The following ZKSCAN2 variants were observed in gnomAD, a reference collection of about 807,000 sequenced individuals.
ZKSCAN2 encodes zinc finger with KRAB and SCAN domains 2.
A neutral mutation model predicts 90.5 loss-of-function variants in ZKSCAN2; 38 were observed. The observed-to-expected ratio is 0.42, with a 90% CI of 0.32 to 0.55. The LOEUF (loss-of-function observed/expected upper bound fraction) is 0.55, where lower values mean the gene tolerates loss of function less well. ZKSCAN2 is among the 20% of genes least tolerant of loss of function. ZKSCAN2 has a pLI of 0.11. For missense variants in ZKSCAN2, 1,167 were observed against 1,202.6 expected (o/e 0.97, Z 0.44); for synonymous variants, 429 against 421.6 (o/e 1.02, Z -0.22).
chr16:25,257,052 C>T lies in ZKSCAN2; in HGVS notation c.76G>A (p.Asp26Asn). The T allele has an allele frequency of 1.2e-6, 2 of 1,614,076 alleles. No homozygotes were observed. Among genetic ancestry groups the T allele is most frequent in the African/African-American group, 1.3e-5 (1 of 75,018 alleles). ...ATGGGCTCTGATGCCCACTCAGGGT[C>T]CTTTTCCACCTTCATTATTAGGCAT... ...EGCLIMKVEK[D>N]PEWASEPILE... The change falls in exon 1 of 7, where the codon GAC becomes AAC. Residue 26 changes from aspartate (D) to asparagine (N), a missense_variant. Transcript: ENST00000328086.
chr16:25,241,389 T>TG (rs1962852033), intron 6 of ZKSCAN2, among the ~76,000 whole-genome samples: 1 of 152,002 alleles, frequency 6.6e-6, no homozygotes, highest in Non-Finnish European at 1.5e-5. Flanking sequence ...AGACAAGTTT[T>TG]GGAATTACAC....
At chr16:25,244,366 A>T (rs1446442414) in intron 5 of ZKSCAN2, 90 bp from the exon 6 acceptor site, 22 of 1,439,828 alleles carry the variant, frequency 1.5e-5, no homozygotes, top group Non-Finnish European at 2.1e-5. Flanking sequence ...AGAGGTAAAA[A>T]AAAATCCCAT....
At chr16:25,253,116 G>A in intron 2 of ZKSCAN2, 79 bp from the exon 3 acceptor site, 2 of 1,118,110 alleles carry the variant, frequency 1.8e-6, no homozygotes, top group East Asian at 2.4e-5. Context: ...TAAGAGATGA[G>A]TATGTATTGA....
At position 25,237,199 on chromosome 16, in the gene ZKSCAN2, T is replaced by C. The variant is rs1774235915; in HGVS notation, c.*2617A>G. The C allele has an allele frequency of 6.6e-6, 1 of 152,252 alleles. No individual in the cohort carries two copies. Among genetic ancestry groups the C allele is most frequent in the Non-Finnish European group, 1.5e-5 (1 of 68,042 alleles). 9.4% of individuals were successfully genotyped at this position (152,252 alleles called of 1,614,324 possible). ...TTATGTGATCTAAAAGACACATTGG[T>C]CAGAACATGATTATTCATTTTGACT... On this transcript the variant is annotated 3_prime_UTR_variant, in exon 7 of 7. Coordinates refer to ENST00000328086, the MANE Select transcript of ZKSCAN2 (RefSeq NM_001012981.5).
rs1436859893 is a variant in ZKSCAN2, at chr16:25,257,324, G to A, written c.-197C>T. Reference sequence around the variant, plus strand: ...TTGAAAAGGTGAACGTATACTCTAAGATGCAAAAGCCTGGCCTCTTCTCCA... The same window carrying A: ...TTGAAAAGGTGAACGTATACTCTAAAATGCAAAAGCCTGGCCTCTTCTCCA... On this transcript the variant is annotated 5_prime_UTR_variant, in exon 1 of 7. Coordinates refer to ENST00000328086, the MANE Select transcript of ZKSCAN2 (RefSeq NM_001012981.5). 1.5e-6 allele frequency: 2 copies of A among 1,360,664 alleles called. No individual in the cohort carries two copies. The highest frequency in any genetic ancestry group is 2.0e-5 in the South Asian group (1 of 50,704). The allele number at this position is 1,360,664 out of a possible 1,614,324, so 84.3% of individuals were successfully genotyped here. A position where few individuals can be genotyped will look rare whatever the true frequency, so the allele number is the denominator to read the frequency against.
rs539271315 is a variant in ZKSCAN2, at chr16:25,238,936, ACGCAT to A, written c.*875_*879del. The A allele has an allele frequency of 2.0e-5, 3 of 152,540 alleles. No homozygotes were observed. Among genetic ancestry groups the A allele is most frequent in the Non-Finnish European group, 4.4e-5 (3 of 68,076 alleles). 9.4% of individuals were successfully genotyped at this position (152,540 alleles called of 1,614,324 possible). A position where few individuals can be genotyped will look rare whatever the true frequency, so the allele number is the denominator to read the frequency against. On this transcript the variant is annotated 3_prime_UTR_variant, in exon 7 of 7. Coordinates refer to ENST00000328086, the MANE Select transcript of ZKSCAN2 (RefSeq NM_001012981.5). The stretch of plus-strand genomic sequence containing the variant: ...AGAGAAGTTAGAGGATAGAACTAGA[ACGCAT>A]CTGAAATCCTACTTTGCTTTAGTGA...
At chr16:25,250,891 G>T (rs1459651611) in intron 4 of ZKSCAN2, among the ~76,000 whole-genome samples, 1 of 152,044 alleles carries the variant, frequency 6.6e-6, no homozygotes, top group Non-Finnish European at 1.5e-5. Flanking sequence ...CAAGTAGCTG[G>T]GATTACAGGC....
In ZKSCAN2 at chr16:25,256,948, A is replaced by C; in HGVS notation, c.180T>G (p.His60Gln). ...QFCYEDVTGP[H>Q]EAFSKLWELC... ...GTTCCCAGAGTTTACTGAAAGCTTC[A>C]TGGGGTCCAGTCACATCCTCATAAC... The change falls in exon 1 of 7, where the codon CAT becomes CAG. Residue 60 changes from histidine (H) to glutamine (Q), a missense_variant. By Grantham distance (24) the His-to-Gln change is conservative. Transcript: ENST00000328086. 1.2e-6 allele frequency: 2 copies of C among 1,614,184 alleles called. No individual in the cohort carries two copies. Among genetic ancestry groups the C allele is most frequent in the East Asian group, 2.2e-5 (1 of 44,884 alleles).
At chr16:25,252,186 T>C (rs1363855619) in intron 3 of ZKSCAN2, 151 bp from the exon 4 acceptor site, 1 of 825,694 alleles carries the variant, frequency 1.2e-6, no homozygotes, top group Non-Finnish European at 1.9e-6. Flanking sequence ...AGAGAAAGAA[T>C]CATAAGATGA....
chr16:25,249,998 T>C (rs1019724510), intron 4 of ZKSCAN2, among the ~76,000 whole-genome samples: 3 of 152,124 alleles, frequency 2.0e-5, no homozygotes, highest in African/African-American at 7.2e-5. Context: ...AAAAATATAA[T>C]GGAGTACTAG....
chr16:25,252,267 G>C (rs544198184), intron 3 of ZKSCAN2, among the ~76,000 whole-genome samples: 55 of 152,222 alleles, frequency 3.6e-4, no homozygotes, highest in Non-Finnish European at 6.3e-4. Flanking sequence ...TTCAGGAAAA[G>C]GAATAAGGGG....
chr16:25,253,757 C>T (rs1963055754), intron 2 of ZKSCAN2, among the ~76,000 whole-genome samples: 1 of 152,228 alleles, frequency 6.6e-6, no homozygotes, highest in Non-Finnish European at 1.5e-5. Flanking sequence ...CCTGTAATCC[C>T]AGCACTTTGG....
chr16:25,249,974 G>T (rs1387204737), intron 4 of ZKSCAN2, among the ~76,000 whole-genome samples: 1 of 152,054 alleles, frequency 6.6e-6, no homozygotes, highest in Non-Finnish European at 1.5e-5. Context: ...TTGAAAATGT[G>T]AAAATATAGG....
chr16:25,242,571 G>A (rs1962870438), intron 6 of ZKSCAN2, among the ~76,000 whole-genome samples: 1 of 152,286 alleles, frequency 6.6e-6, no homozygotes, highest in African/African-American at 2.4e-5. Context: ...ACAAAGTATG[G>A]GAGGTGAGAG....
rs1270283788 is a variant in ZKSCAN2, at chr16:25,247,251, C to T, written c.945G>A (p.Gln315=). The T allele has an allele frequency of 3.1e-6, 5 of 1,614,220 alleles. No individual in the cohort carries two copies. The Admixed American group carries it at 8.3e-5, about 27-fold the overall frequency. The change falls in exon 5 of 7, where the codon CAG becomes CAA. Residue 315 remains glutamine (Q), a synonymous_variant. Transcript: ENST00000328086. ...TTTTTCCTGCACTCCTTGCAGGGAC[C>T]TGAATAGCATGAACTGACTTTTCCT... ...YVKEKSVHAI[Q]VPARSAGKTW... is the part of the protein sequence containing the mutation.
Position 25,246,897 on chromosome 16 carries a change from C to T in ZKSCAN2, c.1299G>A (p.Pro433=), listed in dbSNP as rs145431253. 1.4e-5 allele frequency: 23 copies of T among 1,614,048 alleles called. No individual in the cohort carries two copies. Among genetic ancestry groups the T allele is most frequent in the Middle Eastern group, 3.3e-4 (2 of 6,084 alleles). The change falls in exon 5 of 7, where the codon CCG becomes CCA. Residue 433 remains proline (P), a synonymous_variant. Transcript: ENST00000328086. The part of the protein sequence containing the change: ...DALLNPAARA[P]STDKPKEMIP... ...TCATCTCCTTTGGTTTATCAGTGGA[C>T]GGAGCACGGGCTGCAGGGTTCAACA... is the stretch of plus-strand genomic sequence containing the variant.
At position 25,257,186 on chromosome 16, in the gene ZKSCAN2, C is replaced by G. The variant is rs1047742546; in HGVS notation, c.-59G>C. The stretch of plus-strand genomic sequence containing the variant: ...CAAGGTGGGGACCCAAAGAAGACTC[C>G]AAGCGCTCCCTGCTTAATGTTCCTG... On this transcript the variant is annotated 5_prime_UTR_variant, in exon 1 of 7. Coordinates refer to ENST00000328086, the MANE Select transcript of ZKSCAN2 (RefSeq NM_001012981.5). The G allele has an allele frequency of 4.9e-5, 74 of 1,523,090 alleles. No individual in the cohort carries two copies. The highest frequency in any genetic ancestry group is 6.5e-5 in the Non-Finnish European group (74 of 1,140,186). 94.3% of individuals were successfully genotyped at this position (1,523,090 alleles called of 1,614,324 possible). A position where few individuals can be genotyped will look rare whatever the true frequency, so the allele number is the denominator to read the frequency against.
Position 25,240,532 on chromosome 16 carries a change from T to C in ZKSCAN2, c.2188A>G (p.Arg730Gly), listed in dbSNP as rs760841873. The part of the protein sequence containing the change: ...IRQGKPMSQP[R>G]DLGKAVVHQR... ...TGCACAACGGCTTTCCCTAAATCTCTAGGCTGAGACATCGGCTTTCCCTGT... is the reference window on the plus strand; with the variant it reads ...TGCACAACGGCTTTCCCTAAATCTCCAGGCTGAGACATCGGCTTTCCCTGT... Residue 730 changes from arginine to glycine, a missense_variant, in exon 7 of 7, where the codon AGA becomes GGA. Physicochemically the swap from Arg to Gly is moderately radical, Grantham distance 125. Transcript: ENST00000328086. The C allele has an allele frequency of 1.2e-6, 2 of 1,614,020 alleles. No individual in the cohort carries two copies. Among genetic ancestry groups the C allele is most frequent in the South Asian group, 2.2e-5 (2 of 91,078 alleles).
Position 25,256,640 on chromosome 16 carries a change from G to A in ZKSCAN2, c.399+89C>T, listed in dbSNP as rs530531622. On this transcript the variant is annotated intron_variant, in intron 1 of 6. Transcript: ENST00000328086. ...TTAGTACCATTTATCTTTCTCTGAA[G>A]AGCACGTCTTTCTGCAATACATCCC... is the stretch of plus-strand genomic sequence containing the variant. 55 of 1,417,710 alleles carry A rather than the reference G, an allele frequency of 3.9e-5. No individual in the cohort carries two copies. In the South Asian group the frequency reaches 6.8e-4, roughly 18 times the overall value. The allele number at this position is 1,417,710 out of a possible 1,614,324, so 87.8% of individuals were successfully genotyped here.
Sources: gnomAD v4.1 joint callset for allele counts (sites outside exome capture counted in the v4.1 genomes callset) on GRCh38, gnomAD v4.1.1 for gene constraint, MANE v1.5 for transcripts, NCBI Gene and HGNC (gene_info 2026-07-23, HGNC 2026-07-21) for gene names.